Variants in BMP6 observed in about 807,000 individuals in gnomAD.
The protein encoded by BMP6 is bone morphogenetic protein 6.
BMP6 carries 17 observed loss-of-function variants against 54.1 expected under a neutral mutation model. That is an observed-to-expected ratio of 0.31 (90% CI 0.22 to 0.47). BMP6 has a LOEUF of 0.47. Among genes scored for constraint, BMP6 ranks in the 20% least tolerant of loss-of-function variants. The pLI is 1.00. For missense variants in BMP6, 720 were observed against 690.4 expected (o/e 1.04, Z -0.48); for synonymous variants, 328 against 291.2 (o/e 1.13, Z -1.28).
At chr6:7,877,630 A>G (rs1363823858) in intron 4 of BMP6, among the ~76,000 whole-genome samples, 1 of 152,140 alleles carries the variant, frequency 6.6e-6, no homozygotes. Context: ...CTCAAAAGAA[A>G]AAAAAAAAAA....
At chr6:7,786,230 C>G (rs1044246989) in intron 1 of BMP6, among the ~76,000 whole-genome samples, 2 of 152,138 alleles carry the variant, frequency 1.3e-5, no homozygotes, top group Non-Finnish European at 2.9e-5. Flanking sequence ...TCCAGAAAAG[C>G]TGGACGTCCC....
At chr6:7,744,345 G>A (rs1166072969) in intron 1 of BMP6, among the ~76,000 whole-genome samples, 16 of 152,162 alleles carry the variant, frequency 1.1e-4, no homozygotes, top group African/African-American at 3.9e-4. Context: ...GTGTGGTGGC[G>A]GGTGCCTGTA....
At chr6:7,857,759 C>T (rs1309106808) in intron 2 of BMP6, among the ~76,000 whole-genome samples, 1 of 152,170 alleles carries the variant, frequency 6.6e-6, no homozygotes, top group African/African-American at 2.4e-5. Flanking sequence ...ACATGTGGGT[C>T]AGACCAGAAC....
chr6:7,777,995 A>G (rs188778291), intron 1 of BMP6, among the ~76,000 whole-genome samples: 17 of 152,276 alleles, frequency 1.1e-4, no homozygotes, highest in Admixed American at 2.0e-4. Flanking sequence ...ACTTTTATAT[A>G]AGGAACATTA....
intron 1 of BMP6, among the ~76,000 whole-genome samples, chr6:7,778,497 G>A (rs777531601): frequency 3.0e-4 from 45 of 152,136 alleles, no homozygotes; most frequent in Non-Finnish European, 5.4e-4. Context: ...TCCAAATCCC[G>A]TCTCTTGGCC....
At chr6:7,833,760 T>C (rs1051933621) in intron 1 of BMP6, among the ~76,000 whole-genome samples, 1 of 152,240 alleles carries the variant, frequency 6.6e-6, no homozygotes, top group African/African-American at 2.4e-5. Context: ...TTGTAAACTC[T>C]TCAGACATTA....
At chr6:7,851,658 A>G (rs1414880841) in intron 2 of BMP6, among the ~76,000 whole-genome samples, 1 of 152,130 alleles carries the variant, frequency 6.6e-6, no homozygotes, top group Non-Finnish European at 1.5e-5. Flanking sequence ...ATCTCAGGTA[A>G]AGATTTAATA....
intron 1 of BMP6, among the ~76,000 whole-genome samples, chr6:7,785,287 T>C (rs1271984000): frequency 1.3e-5 from 2 of 152,248 alleles, no homozygotes; most frequent in African/African-American, 4.8e-5. Context: ...GAATTATTGC[T>C]GTAATTAATA....
intron 1 of BMP6, among the ~76,000 whole-genome samples, chr6:7,736,843 G>A (rs192590765): frequency 3.9e-5 from 6 of 152,158 alleles, no homozygotes; most frequent in Admixed American, 1.3e-4. Context: ...TAATTTGCCC[G>A]CCCGTTATCT....
In BMP6 at chr6:7,881,302, C is replaced by T. The variant is rs1759721470; in HGVS notation, c.*959C>T. ...TTTATGAACGGAAATCATGATTTCCCTTGTAGAAAGTGAGGCTCAGATTAA... is the reference window on the plus strand; with the variant it reads ...TTTATGAACGGAAATCATGATTTCCTTTGTAGAAAGTGAGGCTCAGATTAA... On this transcript the variant is annotated 3_prime_UTR_variant, in exon 7 of 7. Coordinates refer to ENST00000283147, the MANE Select transcript of BMP6 (RefSeq NM_001718.6). 1 of 152,532 alleles carries T rather than the reference C, an allele frequency of 6.6e-6. No homozygotes were observed. The highest frequency in any genetic ancestry group is 2.4e-5 in the African/African-American group (1 of 41,390). The allele number at this position is 152,532 out of a possible 1,614,324, so 9.4% of individuals were successfully genotyped here. A position where few individuals can be genotyped will look rare whatever the true frequency, so the allele number is the denominator to read the frequency against.
intron 1 of BMP6, among the ~76,000 whole-genome samples, chr6:7,843,038 CAT>C (rs1016620483): frequency 6.6e-6 from 1 of 152,218 alleles, no homozygotes; most frequent in African/African-American, 2.4e-5. Flanking sequence ...ACGATGATAA[CAT>C]ATCAAACTTA....
rs548593250 is a variant in BMP6 at position 7,881,520 on chromosome 6, TAA to T, written c.*1185_*1186del. Reference sequence around the variant, plus strand: ...AACATTGAAGGAAAGACCAGACTTTTAAAAAAAAAGAGTTTATTTAGAAAGTA... The same window carrying T: ...AACATTGAAGGAAAGACCAGACTTTTAAAAAAAGAGTTTATTTAGAAAGTA... On this transcript the variant is annotated 3_prime_UTR_variant, in exon 7 of 7. Coordinates refer to ENST00000283147, the MANE Select transcript of BMP6 (RefSeq NM_001718.6). The T allele has an allele frequency of 7.3e-5, 11 of 151,476 alleles. 2 individuals are homozygous for T. The highest frequency in any genetic ancestry group is 2.1e-4 in the South Asian group (1 of 4,784). The allele number at this position is 151,476 out of a possible 1,614,324, so 9.4% of individuals were successfully genotyped here. A position where few individuals can be genotyped will look rare whatever the true frequency, so the allele number is the denominator to read the frequency against.
intron 1 of BMP6, among the ~76,000 whole-genome samples, chr6:7,733,241 T>TA (rs1761899915): frequency 6.6e-6 from 1 of 152,216 alleles, no homozygotes; most frequent in Non-Finnish European, 1.5e-5. Flanking sequence ...ACAACGTCGT[T>TA]ACAGTTTTAA....
chr6:7,731,653 T>C (rs556139224), intron 1 of BMP6, among the ~76,000 whole-genome samples: 243 of 152,314 alleles, frequency 1.6e-3, no homozygotes, highest in African/African-American at 5.8e-3. Context: ...ATTTCACTGA[T>C]TTGGAAGATT....
intron 1 of BMP6, among the ~76,000 whole-genome samples, chr6:7,736,163 C>G (rs1215080687): frequency 6.6e-6 from 1 of 152,086 alleles, no homozygotes; most frequent in Non-Finnish European, 1.5e-5. Context: ...GTTTAAAAAT[C>G]TTTTTTCCTC....
At chr6:7,770,437 A>G (rs1249167580) in intron 1 of BMP6, among the ~76,000 whole-genome samples, 1 of 152,206 alleles carries the variant, frequency 6.6e-6, no homozygotes, top group East Asian at 1.9e-4. Flanking sequence ...CCTACCCGGT[A>G]AAGATTGCAT....
intron 1 of BMP6, among the ~76,000 whole-genome samples, chr6:7,814,972 C>T (rs926099052): frequency 8.5e-5 from 13 of 152,136 alleles, no homozygotes; most frequent in African/African-American, 3.1e-4. Context: ...TATCCCAGAA[C>T]TTAAAGTAAA....
At chr6:7,778,981 A>G (rs1215806071) in intron 1 of BMP6, among the ~76,000 whole-genome samples, 1 of 152,238 alleles carries the variant, frequency 6.6e-6, no homozygotes, top group African/African-American at 2.4e-5. Context: ...TTTTTCACCA[A>G]GCTCACAGTC....
intron 1 of BMP6, among the ~76,000 whole-genome samples, chr6:7,737,844 C>G (rs1033601466): frequency 1.3e-5 from 2 of 152,134 alleles, no homozygotes; most frequent in Non-Finnish European, 2.9e-5. Flanking sequence ...AGCTGGTTTT[C>G]TTGACAGTGC....
Sources: gnomAD v4.1 joint callset for allele counts (sites outside exome capture counted in the v4.1 genomes callset) on GRCh38, gnomAD v4.1.1 for gene constraint, MANE v1.5 for transcripts, NCBI Gene and HGNC (gene_info 2026-07-23, HGNC 2026-07-21) for gene names.